TMEM132D: variants seen among roughly 807,000 people sequenced by gnomAD.
The protein encoded by TMEM132D is mature OL transmembrane protein.
Under a neutral mutation model 62.3 loss-of-function variants are expected in TMEM132D, and 21 were observed. That is an observed-to-expected ratio of 0.34 (90% CI 0.24 to 0.49). The LOEUF (loss-of-function observed/expected upper bound fraction) is 0.49, where lower values mean the gene tolerates loss of function less well. Among genes scored for constraint, TMEM132D ranks in the 20% least tolerant of loss-of-function variants. The pLI is 0.99. For missense variants in TMEM132D, 1,346 were observed against 1,402.8 expected (o/e 0.96, Z 0.65); for synonymous variants, 621 against 575.6 (o/e 1.08, Z -1.13).
In TMEM132D at chr12:129,081,756, T is replaced by TTA. The variant is rs1874454400; in HGVS notation, c.1923+2_1923+3insTA. On this transcript the variant is annotated splice_region_variant and intron_variant, in intron 7 of 8. Transcript: ENST00000422113. ...ATTTGGGGATTTTTTTTTTTTTTTT[T>TTA]ACCTGAATGGTGGTCATCCCAAGCT... 2 of 1,550,224 alleles carry TTA rather than the reference T, an allele frequency of 1.3e-6. No individual in the cohort carries two copies. Among genetic ancestry groups the TTA allele is most frequent in the Admixed American group, 2.1e-5 (1 of 48,638 alleles).
At chr12:129,119,727 C>T (rs1329534692) in intron 5 of TMEM132D, among the ~76,000 whole-genome samples, 2 of 152,166 alleles carry the variant, frequency 1.3e-5, no homozygotes, top group Admixed American at 6.5e-5. Flanking sequence ...GGGAGTCAGG[C>T]GCTGTCCTTG....
chr12:129,576,542 A>C (rs1877665816), intron 2 of TMEM132D, among the ~76,000 whole-genome samples: 1 of 151,796 alleles, frequency 6.6e-6, no homozygotes, highest in Non-Finnish European at 1.5e-5. Flanking sequence ...ATCTGTTTAC[A>C]TAAATATATA....
intron 3 of TMEM132D, among the ~76,000 whole-genome samples, chr12:129,520,496 C>A (rs1190513924): frequency 6.6e-6 from 1 of 152,160 alleles, no homozygotes; most frequent in African/African-American, 2.4e-5. Flanking sequence ...TTTATAACTT[C>A]CCTTTGGAAT....
chr12:129,849,898 G>C (rs1229056174), intron 1 of TMEM132D, among the ~76,000 whole-genome samples: 1 of 152,136 alleles, frequency 6.6e-6, no homozygotes, highest in East Asian at 1.9e-4. Context: ...AATATACCCA[G>C]GGGCTTCCCA....
At chr12:129,612,725 C>CCA (rs1878809423) in intron 2 of TMEM132D, among the ~76,000 whole-genome samples, 1 of 113,520 alleles carries the variant, frequency 8.8e-6, no homozygotes, top group African/African-American at 2.9e-5. Context: ...TAATTTGGCC[C>CCA]CAGGCAACTC....
intron 4 of TMEM132D, among the ~76,000 whole-genome samples, chr12:129,310,839 G>T (rs1187945249): frequency 1.3e-5 from 2 of 152,250 alleles, no homozygotes; most frequent in Admixed American, 1.3e-4. Context: ...CAGCCTCCGG[G>T]CTTGCATGCA....
At chr12:129,196,424 C>T (rs1269065315) in intron 5 of TMEM132D, among the ~76,000 whole-genome samples, 1 of 152,080 alleles carries the variant, frequency 6.6e-6, no homozygotes, top group African/African-American at 2.4e-5. Flanking sequence ...AAATGTTCTC[C>T]AAAATCCTTT....
intron 2 of TMEM132D, among the ~76,000 whole-genome samples, chr12:129,636,730 G>GTC (rs1879489680): frequency 2.2e-5 from 3 of 133,774 alleles, no homozygotes; most frequent in African/African-American, 8.4e-5. Context: ...GTGTGTGTGT[G>GTC]TGTGTGTGAG....
chr12:129,901,874 C>CA lies in TMEM132D; in HGVS notation c.79+1386dup, dbSNP rs147085917. On this transcript the variant is annotated intron_variant, in intron 1 of 8. Transcript: ENST00000422113. ...AAGTGAGAACCAACCCCCCCCGCCC[C>CA]AAAAAAAAAATGCTGGGCTGTTGTT... Among the ~76,000 whole-genome samples, 781 of 146,428 alleles carry CA rather than the reference C, an allele frequency of 5.3e-3. 6 individuals carry two copies. Among genetic ancestry groups the CA allele is most frequent in the African/African-American group, 0.019 (731 of 39,392 alleles).
At chr12:129,815,411 G>A (rs887243426) in intron 1 of TMEM132D, among the ~76,000 whole-genome samples, 1 of 152,234 alleles carries the variant, frequency 6.6e-6, no homozygotes, top group Non-Finnish European at 1.5e-5. Context: ...ACATAGAATA[G>A]AATGTAGAAT....
chr12:129,817,004 A>G (rs1593173255), intron 1 of TMEM132D, among the ~76,000 whole-genome samples: 1 of 152,234 alleles, frequency 6.6e-6, no homozygotes, highest in African/African-American at 2.4e-5. Flanking sequence ...GGCTAATTAG[A>G]CAGGAGTCAG....
intron 2 of TMEM132D, among the ~76,000 whole-genome samples, chr12:129,697,801 G>A (rs1285147021): frequency 6.6e-6 from 1 of 152,130 alleles, no homozygotes. Context: ...GACTGCCAAA[G>A]ATAAAAGCCA....
chr12:129,234,775 G>T (rs1288157139), intron 4 of TMEM132D, among the ~76,000 whole-genome samples: 2 of 152,140 alleles, frequency 1.3e-5, no homozygotes, highest in Non-Finnish European at 2.9e-5. Context: ...TACTATTATT[G>T]TGGGAGAGTA....
intron 4 of TMEM132D, among the ~76,000 whole-genome samples, chr12:129,270,277 A>T (rs1047490824): frequency 6.6e-6 from 1 of 152,190 alleles, no homozygotes; most frequent in Non-Finnish European, 1.5e-5. Flanking sequence ...CTATATTGAG[A>T]CCATAAGCTC....
intron 1 of TMEM132D, among the ~76,000 whole-genome samples, chr12:129,721,176 G>A (rs1868813706): frequency 6.6e-6 from 1 of 152,112 alleles, no homozygotes; most frequent in Non-Finnish European, 1.5e-5. Flanking sequence ...AGGGAAGGTG[G>A]GCACGTGTGT....
chr12:129,800,857 C>T lies in TMEM132D; in HGVS notation c.80-100159G>A, dbSNP rs188845230. Among the ~76,000 whole-genome samples the T allele has an allele frequency of 5.4e-4, 82 of 152,226 alleles. No individual in the cohort carries two copies. In the East Asian group the frequency reaches 8.5e-3, roughly 16 times the overall value. On this transcript the variant is annotated intron_variant, in intron 1 of 8. Coordinates refer to ENST00000422113, the MANE Select transcript of TMEM132D (RefSeq NM_133448.3). ...CAGTGGGCACAGCTCAGTGGGTGCG[C>T]GCACCGTGCACCAGCCGAAGCAGGG...
chr12:129,320,966 C>G lies in TMEM132D; in HGVS notation c.1299+16668G>C, dbSNP rs575650047. 1.2e-4 allele frequency among the ~76,000 whole-genome samples: 19 copies of G among 152,142 alleles called. 1 individual carries two copies. The highest frequency in any genetic ancestry group is 4.3e-4 in the African/African-American group (18 of 41,488). On this transcript the variant is annotated intron_variant, in intron 4 of 8. Transcript: ENST00000422113. Reference sequence around the variant, plus strand: ...CCCACTAGACATTATTTATACAAATCTATCTATCTACCTACCTACCTACCT... The same window carrying G: ...CCCACTAGACATTATTTATACAAATGTATCTATCTACCTACCTACCTACCT...
intron 2 of TMEM132D, among the ~76,000 whole-genome samples, chr12:129,657,849 G>A (rs1436647918): frequency 4.6e-5 from 7 of 152,274 alleles, no homozygotes; most frequent in East Asian, 1.9e-4. Flanking sequence ...ATTTGTTTCC[G>A]AAAAGGAGGC....
chr12:129,726,964 G>A (rs747223097), intron 1 of TMEM132D, among the ~76,000 whole-genome samples: 1 of 152,244 alleles, frequency 6.6e-6, no homozygotes, highest in South Asian at 2.1e-4. Flanking sequence ...AGAAATACTA[G>A]TGCCTCCCCA....
Sources: gnomAD v4.1 joint callset for allele counts (sites outside exome capture counted in the v4.1 genomes callset) on GRCh38, gnomAD v4.1.1 for gene constraint, MANE v1.5 for transcripts, NCBI Gene and HGNC (gene_info 2026-07-23, HGNC 2026-07-21) for gene names.